The following KLRK1 variants were observed in gnomAD, a reference collection of about 807,000 sequenced individuals.
KLRK1 encodes the protein NKG2-D type II integral membrane protein.
KLRK1 carries 40 observed loss-of-function variants against 31.3 expected under a neutral mutation model. The observed-to-expected ratio is 1.28, with a 90% confidence interval of 0.99 to 1.67. The LOEUF (loss-of-function observed/expected upper bound fraction) is 1.67. KLRK1 is among the 40% of genes most tolerant of loss of function. KLRK1 has a pLI of 0.00. For synonymous variants in KLRK1, 77 were observed against 77.3 expected, an observed-to-expected ratio of 1.00 and a Z score of 0.02; for missense variants, 251 against 260.0, an observed-to-expected ratio of 0.97 and a Z score of 0.24.
In KLRK1 at chr12:10,379,738, A is replaced by T. The variant is rs377167821; in HGVS notation, c.203T>A (p.Ile68Asn). 1.4e-5 allele frequency: 23 copies of T among 1,612,296 alleles called. No homozygotes were observed. Among genetic ancestry groups the T allele is most frequent in the Non-Finnish European group, 1.8e-5 (21 of 1,179,230 alleles). Reference sequence around the variant, plus strand: ...AGCACTCCATATTGTTACCATAATAATGAAACGGATTCCCATGGCTACAGC... The same window carrying T: ...AGCACTCCATATTGTTACCATAATATTGAAACGGATTCCCATGGCTACAGC... ...FIAVAMGIRF[I>N]IMVTIWSAVF... is the part of the protein sequence containing the mutation. Residue 68 changes from isoleucine (I) to asparagine (N), a missense_variant, in exon 4 of 8, where the codon ATT (isoleucine) becomes AAT (asparagine). Physicochemically the swap from Ile to Asn is moderately radical, Grantham distance 149. Transcript: ENST00000240618.
At position 10,379,745 on chromosome 12, in the gene KLRK1, G is replaced by A. The variant is rs141717786; in HGVS notation, c.196C>T (p.Arg66Cys). Residue 66 changes from arginine to cysteine, a missense_variant, in exon 4 of 8, where the codon CGT becomes TGT. Transcript: ENST00000240618. The stretch of plus-strand genomic sequence containing the variant: ...CATATTGTTACCATAATAATGAAAC[G>A]GATTCCCATGGCTACAGCGATGAAG... ...CCFIAVAMGI[R>C]FIIMVTIWSA... 89 of 1,611,810 alleles carry A rather than the reference G, an allele frequency of 5.5e-5. No individual in the cohort carries two copies. The East Asian group carries it at 1.9e-3, about 34-fold the overall frequency.
chr12:10,381,512 CATT>C (rs1226933261), intron 3 of KLRK1, among the ~76,000 whole-genome samples: 1 of 152,050 alleles, frequency 6.6e-6, no homozygotes. Context: ...AGGAATCAAA[CATT>C]ATGGCTACAG....
intron 3 of KLRK1, among the ~76,000 whole-genome samples, chr12:10,382,431 G>A (rs1863092709): frequency 1.3e-5 from 2 of 152,066 alleles, no homozygotes; most frequent in African/African-American, 4.8e-5. Context: ...CCAAGAGGAA[G>A]TGGGGTGACA....
intron 3 of KLRK1, among the ~76,000 whole-genome samples, chr12:10,384,835 G>T (rs567610360): frequency 6.6e-6 from 1 of 152,018 alleles, no homozygotes; most frequent in East Asian, 1.9e-4. Context: ...GAAAATACTC[G>T]CAAACTATTC....
rs759278258 is a variant in KLRK1, at chr12:10,378,526, G to C, written c.429+28C>G. ...GTCTCAGATGTTAGGATTAAATACA[G>C]GATGGGAAATTAAAATAAATACTCA... On this transcript the variant is annotated intron_variant, in intron 6 of 7. Coordinates refer to ENST00000240618, the MANE Select transcript of KLRK1 (RefSeq NM_007360.4). 5 of 1,607,204 alleles carry C rather than the reference G, an allele frequency of 3.1e-6. No homozygotes were observed. In the Admixed American group the frequency reaches 5.2e-5, roughly 17 times the overall value.
chr12:10,374,693 A>G (rs1174894237), intron 7 of KLRK1, among the ~76,000 whole-genome samples: 4 of 152,174 alleles, frequency 2.6e-5, no homozygotes, highest in Non-Finnish European at 5.9e-5. Context: ...TCTTTTTAAT[A>G]TCACTTTGTC....
At chr12:10,383,659 A>C (rs1394645218) in intron 3 of KLRK1, among the ~76,000 whole-genome samples, 1 of 152,100 alleles carries the variant, frequency 6.6e-6, no homozygotes, top group African/African-American at 2.4e-5. Context: ...GAACCTAACT[A>C]AATGTACAGA....
chr12:10,381,892 G>T (rs1159871149), intron 3 of KLRK1: 1 of 152,230 alleles, frequency 6.6e-6, no homozygotes, highest in African/African-American at 2.4e-5. Flanking sequence ...ATGGAAATAA[G>T]AGTGTGGGAC....
intron 3 of KLRK1, among the ~76,000 whole-genome samples, chr12:10,385,367 G>GACACACACACAC (rs3055416): frequency 0.028 from 4,085 of 145,762 alleles, 82 homozygotes; most frequent in East Asian, 0.038. Context: ...AGCACACACA[G>GACACACACACAC]ACACACACAC....
chr12:10,379,923 T>C, intron 3 of KLRK1, 131 bp from the exon 4 acceptor site: 1 of 753,408 alleles, frequency 1.3e-6, no homozygotes, highest in East Asian at 2.9e-5. Context: ...TAATAATTTT[T>C]TCCAGAACAG....
At chr12:10,379,516 A>G (rs1476096973) in intron 4 of KLRK1, 34 bp from the exon 5 acceptor site, 1 of 1,389,958 alleles carries the variant, frequency 7.2e-7, no homozygotes. Flanking sequence ...AAAAGTTTGT[A>G]TTGTTAGTAA....
At chr12:10,373,952 C>T (rs114070847) in intron 7 of KLRK1, 4 of 152,198 alleles carry the variant, frequency 2.6e-5, no homozygotes, top group Non-Finnish European at 5.9e-5. Context: ...GTAATGATCT[C>T]TGTTCTGTAA....
intron 4 of KLRK1, 90 bp from the exon 5 acceptor site, chr12:10,379,572 C>A: frequency 7.6e-7 from 1 of 1,310,388 alleles, no homozygotes; most frequent in South Asian, 1.6e-5. Context: ...GGACTAATAG[C>A]AAAAATGTGA....
chr12:10,380,732 C>T (rs1308021921), intron 3 of KLRK1, among the ~76,000 whole-genome samples: 1 of 152,192 alleles, frequency 6.6e-6, no homozygotes, highest in Non-Finnish European at 1.5e-5. Flanking sequence ...CCACATTCCT[C>T]ACGATCCCTG....
chr12:10,372,869 T>C lies in KLRK1; in HGVS notation c.*245A>G. On this transcript the variant is annotated 3_prime_UTR_variant, in exon 8 of 8. Transcript: ENST00000240618. ...CCCCAGCCCATCCACTCTGGGCTTGTGGTGGGAGAGGCAGCCTTGGGGATA... is the reference window on the plus strand; with the variant it reads ...CCCCAGCCCATCCACTCTGGGCTTGCGGTGGGAGAGGCAGCCTTGGGGATA... 2.4e-6 allele frequency: 1 copy of C among 415,036 alleles called. No homozygotes were observed. Among genetic ancestry groups the C allele is most frequent in the Non-Finnish European group, 4.2e-6 (1 of 235,770 alleles). The allele number at this position is 415,036 out of a possible 1,614,324, so 25.7% of individuals were successfully genotyped here.
intron 3 of KLRK1, among the ~76,000 whole-genome samples, chr12:10,385,296 G>A (rs1031463344): frequency 5.3e-5 from 8 of 150,850 alleles, no homozygotes; most frequent in Admixed American, 3.3e-4. Flanking sequence ...GTTTATTGCA[G>A]CATTATTCAC....
intron 2 of KLRK1, among the ~76,000 whole-genome samples, chr12:10,387,363 T>C (rs1863186267): frequency 1.3e-5 from 2 of 152,232 alleles, no homozygotes; most frequent in South Asian, 2.1e-4. Context: ...GATCCACATA[T>C]ACAAACTTGA....
chr12:10,379,176 C>G (rs1205248780), intron 5 of KLRK1: 2 of 170,732 alleles, frequency 1.2e-5, no homozygotes, highest in African/African-American at 5.3e-5. Flanking sequence ...GATCACCCCA[C>G]TGCACTCCAG....
chr12:10,376,249 A>G (rs905367449), intron 7 of KLRK1, among the ~76,000 whole-genome samples: 4 of 152,194 alleles, frequency 2.6e-5, no homozygotes, highest in Non-Finnish European at 5.9e-5. Flanking sequence ...AACATTTCTG[A>G]TCAAATACAC....
Sources: allele counts gnomAD v4.1 joint callset (sites outside exome capture counted in the v4.1 genomes callset), GRCh38; gene constraint gnomAD v4.1.1; transcripts MANE v1.5; gene names NCBI Gene and HGNC (gene_info 2026-07-23, HGNC 2026-07-21).